Variants in MYOCD observed in about 807,000 individuals in gnomAD.
MYOCD encodes the protein myocardin.
A neutral mutation model predicts 96.1 loss-of-function variants in MYOCD; 32 were observed. The observed-to-expected ratio is 0.33, with a 90% confidence interval of 0.25 to 0.45. The LOEUF is 0.45. Among genes scored for constraint, MYOCD ranks in the 20% least tolerant of loss-of-function variants. The pLI is 1.00. For synonymous variants in MYOCD, 469 were observed against 469.0 expected (o/e 1.00, Z 0.00); for missense variants, 1,133 against 1,200.6 (o/e 0.94, Z 0.83).
intron 5 of MYOCD, among the ~76,000 whole-genome samples, chr17:12,730,446 C>CA (rs374306460): frequency 0.017 from 1,226 of 70,390 alleles, 4 homozygotes; most frequent in Middle Eastern, 0.044. Flanking sequence ...AACTCCATCT[C>CA]AAAAAAAAAA....
At chr17:12,733,258 C>T (rs150795290) in intron 5 of MYOCD, among the ~76,000 whole-genome samples, 1,587 of 146,470 alleles carry the variant, frequency 0.011, 34 homozygotes, top group African/African-American at 0.038. Flanking sequence ...TGCAGTGAGT[C>T]GAGATTGTGC....
chr17:12,713,794 A>T (rs1357840020), intron 2 of MYOCD, among the ~76,000 whole-genome samples: 1 of 152,154 alleles, frequency 6.6e-6, no homozygotes, highest in Non-Finnish European at 1.5e-5. Flanking sequence ...AAGGATGATG[A>T]CCAGACCCAA....
intron 5 of MYOCD, among the ~76,000 whole-genome samples, chr17:12,724,916 A>G (rs2031952130): frequency 6.6e-6 from 1 of 152,092 alleles, no homozygotes; most frequent in Non-Finnish European, 1.5e-5. Flanking sequence ...CTTCAATTCT[A>G]TTGCAATTTT....
At chr17:12,667,804 T>C (rs1909458822) in intron 1 of MYOCD, among the ~76,000 whole-genome samples, 1 of 152,178 alleles carries the variant, frequency 6.6e-6, no homozygotes, top group South Asian at 2.1e-4. Context: ...AGTCCTGGTG[T>C]CTCCTAAGTA....
intron 3 of MYOCD, among the ~76,000 whole-genome samples, chr17:12,717,090 G>T (rs2031670002): frequency 1.4e-5 from 2 of 147,686 alleles, no homozygotes; most frequent in Admixed American, 1.4e-4. Flanking sequence ...TTATTAACAT[G>T]TACCAACCTG....
intron 9 of MYOCD, among the ~76,000 whole-genome samples, chr17:12,746,716 A>ATGG (rs1157116039): frequency 6.5e-5 from 9 of 139,040 alleles, no homozygotes; most frequent in African/African-American, 2.3e-4. Context: ...GATGATGATG[A>ATGG]TGGTGCCTAC....
intron 7 of MYOCD, among the ~76,000 whole-genome samples, chr17:12,742,945 A>G (rs2032556499): frequency 2.6e-5 from 4 of 152,130 alleles, no homozygotes; most frequent in Admixed American, 2.6e-4. Flanking sequence ...CTTTTATTTC[A>G]GGAGCAGGTT....
In MYOCD at chr17:12,741,113, A is replaced by G. The variant is rs145932914; in HGVS notation, c.717+1785A>G. ...GTGCCACCACTTAATGAATGTTAAA[A>G]TGACTCTTACGGGACTTAAAAAAGA... On this transcript the variant is annotated intron_variant, in intron 7 of 13. Transcript: ENST00000425538. 7.8e-3 allele frequency among the ~76,000 whole-genome samples: 1,190 copies of G among 152,312 alleles called. 11 individuals carry two copies. The highest frequency in any genetic ancestry group is 9.4e-3 in the Non-Finnish European group (638 of 68,028).
At chr17:12,709,136 T>C (rs974637508) in intron 2 of MYOCD, among the ~76,000 whole-genome samples, 11 of 152,332 alleles carry the variant, frequency 7.2e-5, no homozygotes, top group African/African-American at 2.6e-4. Flanking sequence ...AATTAAATTA[T>C]GAGGCTCCTC....
At chr17:12,707,522 G>A (rs575198432) in intron 2 of MYOCD, among the ~76,000 whole-genome samples, 1 of 151,886 alleles carries the variant, frequency 6.6e-6, no homozygotes, top group South Asian at 2.1e-4. Flanking sequence ...TGGCTAACAC[G>A]GAGAAAACCC....
intron 2 of MYOCD, among the ~76,000 whole-genome samples, chr17:12,709,784 G>A (rs1284103070): frequency 6.6e-6 from 1 of 152,140 alleles, no homozygotes; most frequent in Non-Finnish European, 1.5e-5. Flanking sequence ...CATTAGGACA[G>A]AGAGTCCACC....
intron 1 of MYOCD, among the ~76,000 whole-genome samples, chr17:12,688,422 G>T (rs942095932): frequency 1.3e-5 from 2 of 152,144 alleles, no homozygotes; most frequent in East Asian, 1.9e-4. Flanking sequence ...AAAATGTTTA[G>T]TTTTTTCCTT....
rs745908467 is a variant in MYOCD, at chr17:12,744,324, G to T, written c.859G>T (p.Ala287Ser). The T allele has an allele frequency of 1.9e-6, 3 of 1,614,028 alleles. No homozygotes were observed. The Admixed American group carries it at 5.0e-5, about 27-fold the overall frequency. The change falls in exon 8 of 14, where the codon GCT becomes TCT. Residue 287 changes from alanine to serine, a missense_variant. Physicochemically the swap from Ala to Ser is moderately conservative, Grantham distance 99 (BLOSUM62 1). Coordinates refer to ENST00000425538, the MANE Select transcript of MYOCD (RefSeq NM_001146312.3). Reference sequence around the variant, plus strand: ...CCCTCCACCTATGGACTCAGCCTACGCTCGGCTGCTCCAGCAACAGCAGCT... The same window carrying T: ...CCCTCCACCTATGGACTCAGCCTACTCTCGGCTGCTCCAGCAACAGCAGCT... ...KSPPPMDSAY[A>S]RLLQQQQLFL...
At chr17:12,681,796 C>T (rs886709714) in intron 1 of MYOCD, among the ~76,000 whole-genome samples, 8 of 152,160 alleles carry the variant, frequency 5.3e-5, no homozygotes, top group South Asian at 2.1e-4. Flanking sequence ...TTGAGACCAT[C>T]GAGGGCTACC....
chr17:12,667,552 C>T (rs893954617), intron 1 of MYOCD, among the ~76,000 whole-genome samples: 1 of 152,160 alleles, frequency 6.6e-6, no homozygotes, highest in African/African-American at 2.4e-5. Context: ...GCAACACTGC[C>T]ACCTTTCTGA....
Position 12,701,002 on chromosome 17 carries a change from C to T in MYOCD, c.56-4126C>T, listed in dbSNP as rs568482937. Among the ~76,000 whole-genome samples, 15 of 152,202 alleles carry T rather than the reference C, an allele frequency of 9.9e-5. 1 individual carries two copies. The highest frequency in any genetic ancestry group is 3.4e-4 in the African/African-American group (14 of 41,516). On this transcript the variant is annotated intron_variant, in intron 1 of 13. Coordinates refer to ENST00000425538, the MANE Select transcript of MYOCD (RefSeq NM_001146312.3). ...TGTTTTTGGTATCAATTTTGGTAAG[C>T]TTTAGTTTTCACGAAATGTGTCCAC...
chr17:12,705,134 A>G lies in MYOCD; in HGVS notation c.62A>G (p.Gln21Arg). 6.2e-7 allele frequency: 1 copy of G among 1,612,160 alleles called. No individual in the cohort carries two copies. The highest frequency in any genetic ancestry group is 8.5e-7 in the Non-Finnish European group (1 of 1,178,350). Residue 21 changes from glutamine (Q) to arginine (R), a missense_variant, in exon 2 of 14, where the codon CAG becomes CGG. Gln to Arg is a conservative substitution (Grantham distance 43). Transcript: ENST00000425538. The stretch of plus-strand genomic sequence containing the variant: ...TAACACTCCCTTTTCTAAGTTTTAC[A>G]GTTAAGACTTCAACAAAGAAGGACC... Reference protein sequence around the residue: ...LIRSKFRSVLQLRLQQRRTQE... With the variant: ...LIRSKFRSVLRLRLQQRRTQE...
chr17:12,697,448 C>T (rs1465311257), intron 1 of MYOCD, among the ~76,000 whole-genome samples: 2 of 147,896 alleles, frequency 1.4e-5, no homozygotes, highest in African/African-American at 2.5e-5. Context: ...CTGCAAGCTC[C>T]GCCTCCTGGG....
chr17:12,743,879 T>C (rs1237991216), intron 7 of MYOCD, among the ~76,000 whole-genome samples: 3 of 152,138 alleles, frequency 2.0e-5, no homozygotes, highest in Admixed American at 6.6e-5. Flanking sequence ...GTTAGGAGAA[T>C]GCACTCATTG....
Sources: allele counts gnomAD v4.1 joint callset (sites outside exome capture counted in the v4.1 genomes callset), GRCh38; gene constraint gnomAD v4.1.1; transcripts MANE v1.5; gene names NCBI Gene and HGNC (gene_info 2026-07-23, HGNC 2026-07-21).